The following WWOX variants were observed in gnomAD, a reference collection of about 807,000 sequenced individuals.
WWOX encodes the protein WW domain-containing oxidoreductase.
In WWOX, 69 loss-of-function variants were observed where a neutral mutation model predicts 46.2. That is an observed-to-expected ratio of 1.49 (90% CI 1.23 to 1.82). WWOX has a LOEUF of 1.82. Among genes scored for constraint, WWOX ranks in the 40% most tolerant of loss-of-function variants. The probability of loss-of-function intolerance (pLI) is 0.00; values close to 1 mark genes in which losing one functional copy is unlikely to be tolerated. For synonymous variants in WWOX, 359 were observed against 202.6 expected (o/e 1.77, Z -6.56); for missense variants, 919 against 542.6 (o/e 1.69, Z -6.89).
chr16:79,188,591 G>C (rs540393487), intron 8 of WWOX, among the ~76,000 whole-genome samples: 1 of 152,290 alleles, frequency 6.6e-6, no homozygotes, highest in African/African-American at 2.4e-5. Flanking sequence ...CAAACTCTCA[G>C]TTAAATGTTT....
At chr16:78,914,290 C>T (rs542852113) in intron 8 of WWOX, among the ~76,000 whole-genome samples, 3 of 152,172 alleles carry the variant, frequency 2.0e-5, no homozygotes, top group Non-Finnish European at 2.9e-5. Flanking sequence ...GAACTATTAG[C>T]TGCCAGAGAG....
chr16:78,590,791 T>C (rs2045332771), intron 8 of WWOX, among the ~76,000 whole-genome samples: 1 of 152,156 alleles, frequency 6.6e-6, no homozygotes, highest in Non-Finnish European at 1.5e-5. Flanking sequence ...AGACCTAATT[T>C]CTAGCAGATC....
At chr16:79,079,211 C>T (rs533195990) in intron 8 of WWOX, among the ~76,000 whole-genome samples, 8 of 152,138 alleles carry the variant, frequency 5.3e-5, no homozygotes, top group East Asian at 1.9e-4. Context: ...TTTTAGCATC[C>T]GCGGTCTTAG....
intron 5 of WWOX, among the ~76,000 whole-genome samples, chr16:78,358,395 C>T (rs780922548): frequency 1.3e-5 from 2 of 152,184 alleles, no homozygotes; most frequent in African/African-American, 2.4e-5. Context: ...CAGTGGCTTA[C>T]ACCTGTAATC....
At chr16:79,104,096 C>T (rs975062689) in intron 8 of WWOX, among the ~76,000 whole-genome samples, 20 of 136,282 alleles carry the variant, frequency 1.5e-4, no homozygotes, top group African/African-American at 5.0e-4. Flanking sequence ...AGATAATCAA[C>T]AATTTTTCTT....
chr16:78,715,436 T>C (rs1220698244), intron 8 of WWOX, among the ~76,000 whole-genome samples: 2 of 152,050 alleles, frequency 1.3e-5, no homozygotes, highest in Non-Finnish European at 1.5e-5. Context: ...GGTAGGAATT[T>C]TTACCAGCTG....
At chr16:78,183,242 G>A (rs2035589113) in intron 5 of WWOX, among the ~76,000 whole-genome samples, 1 of 152,174 alleles carries the variant, frequency 6.6e-6, no homozygotes, top group Admixed American at 6.5e-5. Context: ...CCACCCACTA[G>A]GGGTCTATGT....
At chr16:78,741,313 C>T (rs1198229331) in intron 8 of WWOX, among the ~76,000 whole-genome samples, 1 of 152,200 alleles carries the variant, frequency 6.6e-6, no homozygotes, top group Non-Finnish European at 1.5e-5. Flanking sequence ...GTAATCCCAG[C>T]ATTTTGGGAG....
chr16:78,438,271 GCAGCGTGT>G (rs2083375761), intron 8 of WWOX, among the ~76,000 whole-genome samples: 1 of 152,142 alleles, frequency 6.6e-6, no homozygotes, highest in South Asian at 2.1e-4. Context: ...GAAACCTCAT[GCAGCGTGT>G]TCAAGAAAAT....
intron 8 of WWOX, among the ~76,000 whole-genome samples, chr16:78,827,321 G>A (rs1156255218): frequency 6.6e-6 from 1 of 152,082 alleles, no homozygotes; most frequent in African/African-American, 2.4e-5. Context: ...CATGTGTGGG[G>A]GAAGCACGAT....
At chr16:78,170,466 A>T (rs940493936) in intron 5 of WWOX, among the ~76,000 whole-genome samples, 2 of 152,228 alleles carry the variant, frequency 1.3e-5, no homozygotes, top group African/African-American at 4.8e-5. Flanking sequence ...TTCTTCACGC[A>T]TGAAAGTGCA....
intron 8 of WWOX, among the ~76,000 whole-genome samples, chr16:78,475,823 G>A (rs565087634): frequency 2.6e-5 from 4 of 152,116 alleles, no homozygotes; most frequent in African/African-American, 9.7e-5. Context: ...TTGAACTCCT[G>A]AATTCAAATG....
chr16:78,849,573 C>CAA (rs778723646), intron 8 of WWOX, among the ~76,000 whole-genome samples: 25,003 of 96,870 alleles, frequency 0.26, 3,685 homozygotes, highest in Middle Eastern at 0.33. Flanking sequence ...GAATCCCTCT[C>CAA]AAAAAAAAAA....
chr16:78,942,203 A>G (rs898192426), intron 8 of WWOX, among the ~76,000 whole-genome samples: 7 of 152,146 alleles, frequency 4.6e-5, no homozygotes, highest in African/African-American at 1.7e-4. Flanking sequence ...TGACATAGTT[A>G]AAGAGTTTGG....
chr16:78,925,498 C>A (rs535893237), intron 8 of WWOX, among the ~76,000 whole-genome samples: 2 of 152,172 alleles, frequency 1.3e-5, no homozygotes, highest in South Asian at 2.1e-4. Flanking sequence ...AAGTTCCCAG[C>A]GTCTTAACCA....
At chr16:78,577,516 C>T (rs148602356) in intron 8 of WWOX, among the ~76,000 whole-genome samples, 1,802 of 152,264 alleles carry the variant, frequency 0.012, 33 homozygotes, top group Middle Eastern at 0.051. Flanking sequence ...GGTATGATGC[C>T]CTAATTTTGA....
In WWOX at chr16:78,612,262, G is replaced by T. The variant is rs117567364; in HGVS notation, c.1056+179510G>T. Among the ~76,000 whole-genome samples the T allele has an allele frequency of 3.1e-4, 47 of 152,312 alleles. No homozygotes were observed. In the East Asian group the frequency reaches 8.7e-3, roughly 28 times the overall value. On this transcript the variant is annotated intron_variant, in intron 8 of 8. Coordinates refer to ENST00000566780, the MANE Select transcript of WWOX (RefSeq NM_016373.4). Reference sequence around the variant, plus strand: ...CAATTGCAAGGGCCCTTGAAGGTTTGTGAAGGATGGCAAAGTGACTTGGAT... The same window carrying T: ...CAATTGCAAGGGCCCTTGAAGGTTTTTGAAGGATGGCAAAGTGACTTGGAT...
At chr16:78,480,784 G>A (rs1003547249) in intron 8 of WWOX, among the ~76,000 whole-genome samples, 4 of 152,186 alleles carry the variant, frequency 2.6e-5, no homozygotes, top group Non-Finnish European at 5.9e-5. Context: ...TTTGCTCCTT[G>A]TGGACTTTAG....
intron 8 of WWOX, among the ~76,000 whole-genome samples, chr16:78,679,880 G>T (rs1294534337): frequency 6.6e-6 from 1 of 152,190 alleles, no homozygotes. Flanking sequence ...GCTTAGGTGG[G>T]CTCTGAGCAG....
Sources: allele counts gnomAD v4.1 joint callset (sites outside exome capture counted in the v4.1 genomes callset), GRCh38; gene constraint gnomAD v4.1.1; transcripts MANE v1.5; gene names NCBI Gene and HGNC (gene_info 2026-07-23, HGNC 2026-07-21).